Variants in TNFRSF19 observed in about 807,000 individuals in gnomAD.
TNFRSF19 encodes the protein tumor necrosis factor receptor superfamily member 19.
A neutral mutation model predicts 46.4 loss-of-function variants in TNFRSF19; 27 were observed. The observed-to-expected ratio is 0.58, with a 90% CI of 0.43 to 0.80. TNFRSF19 has a LOEUF of 0.80. TNFRSF19 is among the 30% of genes least tolerant of loss of function. TNFRSF19 has a pLI of 0.00. For synonymous variants in TNFRSF19, 204 were observed against 205.0 expected (o/e 1.00, Z 0.04); for missense variants, 511 against 530.8 (o/e 0.96, Z 0.37).
intron 3 of TNFRSF19, among the ~76,000 whole-genome samples, chr13:23,601,516 C>G (rs186430277): frequency 2.0e-5 from 3 of 152,220 alleles, no homozygotes; most frequent in Non-Finnish European, 4.4e-5. Flanking sequence ...TAATATAGGT[C>G]AGAAACATGG....
intron 5 of TNFRSF19, among the ~76,000 whole-genome samples, chr13:23,630,938 G>A (rs1001716577): frequency 3.2e-4 from 48 of 152,184 alleles, no homozygotes; most frequent in African/African-American, 8.7e-4. Context: ...GACAAGCCAC[G>A]TGATTCTGGA....
chr13:23,582,624 C>T (rs541736709), intron 1 of TNFRSF19, among the ~76,000 whole-genome samples: 10 of 152,258 alleles, frequency 6.6e-5, no homozygotes, highest in African/African-American at 2.4e-4. Context: ...TTTTGACATA[C>T]TGTGAAACTG....
At chr13:23,666,420 T>A (rs753410149) in intron 7 of TNFRSF19, among the ~76,000 whole-genome samples, 1 of 152,254 alleles carries the variant, frequency 6.6e-6, no homozygotes, top group Non-Finnish European at 1.5e-5. Context: ...GTTCTCCATT[T>A]ATGTATTTAT....
chr13:23,618,627 A>G (rs1317632588), intron 4 of TNFRSF19, among the ~76,000 whole-genome samples: 1 of 152,244 alleles, frequency 6.6e-6, no homozygotes, highest in Non-Finnish European at 1.5e-5. Flanking sequence ...AGTTAGACAT[A>G]GAGTTACCAC....
intron 9 of TNFRSF19, among the ~76,000 whole-genome samples, chr13:23,670,734 T>A (rs1223471213): frequency 6.6e-6 from 1 of 152,156 alleles, no homozygotes; most frequent in Non-Finnish European, 1.5e-5. Context: ...CACTGACGGA[T>A]CAGAGGATGC....
intron 3 of TNFRSF19, among the ~76,000 whole-genome samples, chr13:23,615,112 A>G (rs574505543): frequency 1.3e-5 from 2 of 152,294 alleles, no homozygotes; most frequent in East Asian, 1.9e-4. Flanking sequence ...TCACATCTAC[A>G]TTCTTCTTTT....
intron 7 of TNFRSF19, among the ~76,000 whole-genome samples, chr13:23,665,583 C>CGT (rs1555225334): frequency 2.6e-5 from 4 of 151,868 alleles, no homozygotes; most frequent in Non-Finnish European, 5.9e-5. Flanking sequence ...CAAATATTAA[C>CGT]GTTACCCATG....
In TNFRSF19 at chr13:23,654,530, C is replaced by G. The variant is rs533690738; in HGVS notation, c.446-4520C>G. Among the ~76,000 whole-genome samples the G allele has an allele frequency of 8.5e-5, 13 of 152,338 alleles. No individual in the cohort carries two copies. In the South Asian group the frequency reaches 2.7e-3, roughly 32 times the overall value. On this transcript the variant is annotated intron_variant, in intron 5 of 9. Coordinates refer to ENST00000248484, the MANE Select transcript of TNFRSF19 (RefSeq NM_148957.4). Reference sequence around the variant, plus strand: ...AACTCCTGCGGAACCAGCTGCCATGCACACTGGGGCAGCTCTGCAGTCTGG... The same window carrying G: ...AACTCCTGCGGAACCAGCTGCCATGGACACTGGGGCAGCTCTGCAGTCTGG...
chr13:23,620,246 G>A (rs887563004), intron 4 of TNFRSF19, among the ~76,000 whole-genome samples: 10 of 152,160 alleles, frequency 6.6e-5, no homozygotes, highest in South Asian at 2.1e-4. Flanking sequence ...GCAGAAAGAC[G>A]TGAGCAAAAT....
chr13:23,671,576 G>T (rs574624867), intron 9 of TNFRSF19, among the ~76,000 whole-genome samples: 15 of 151,584 alleles, frequency 9.9e-5, no homozygotes, highest in African/African-American at 3.6e-4. Flanking sequence ...AGCTACTTCA[G>T]GCCTTTGGGG....
rs188680232 is a variant in TNFRSF19 at position 23,675,330 on chromosome 13, G to A, written c.*1950G>A. ...AGAGATGATGAAAGTAGGCAGGGCT[G>A]TGTTCCTTTGTGTAGCCTGTATATA... On this transcript the variant is annotated 3_prime_UTR_variant, in exon 10 of 10. Transcript: ENST00000248484. 6.6e-6 allele frequency: 1 copy of A among 152,320 alleles called. No homozygotes were observed. The highest frequency in any genetic ancestry group is 2.4e-5 in the African/African-American group (1 of 41,558). The allele number at this position is 152,320 out of a possible 1,614,324, so 9.4% of individuals were successfully genotyped here.
chr13:23,658,427 C>T (rs1884124825), intron 5 of TNFRSF19, among the ~76,000 whole-genome samples: 1 of 152,156 alleles, frequency 6.6e-6, no homozygotes, highest in African/African-American at 2.4e-5. Flanking sequence ...AGATCTATTT[C>T]TTGACTTTCT....
At chr13:23,610,831 T>C (rs1245982627) in intron 3 of TNFRSF19, among the ~76,000 whole-genome samples, 1 of 152,000 alleles carries the variant, frequency 6.6e-6, no homozygotes, top group Non-Finnish European at 1.5e-5. Flanking sequence ...GCATTATTAT[T>C]TTATCTATGC....
At chr13:23,620,494 A>G (rs1244070027) in intron 4 of TNFRSF19, among the ~76,000 whole-genome samples, 2 of 152,176 alleles carry the variant, frequency 1.3e-5, no homozygotes, top group Non-Finnish European at 2.9e-5. Flanking sequence ...TTATTCCCAC[A>G]TCTGCTCTGT....
intron 5 of TNFRSF19, among the ~76,000 whole-genome samples, chr13:23,627,545 G>T (rs1882088118): frequency 6.6e-6 from 1 of 152,316 alleles, no homozygotes; most frequent in South Asian, 2.1e-4. Flanking sequence ...GAAGGGAACC[G>T]GTGAGTGGCC....
chr13:23,623,679 C>T (rs1881819494), intron 4 of TNFRSF19, among the ~76,000 whole-genome samples: 3 of 152,082 alleles, frequency 2.0e-5, no homozygotes, highest in African/African-American at 7.2e-5. Context: ...GGTGATATCT[C>T]ATGTGGTTTT....
intron 1 of TNFRSF19, among the ~76,000 whole-genome samples, chr13:23,581,130 T>C (rs1878387530): frequency 8.1e-6 from 1 of 123,352 alleles, no homozygotes; most frequent in Non-Finnish European, 1.8e-5. Context: ...TTTTTTTCTT[T>C]TCTTTTTTTT....
intron 7 of TNFRSF19, among the ~76,000 whole-genome samples, chr13:23,661,486 A>G (rs560363530): frequency 4.6e-5 from 7 of 152,330 alleles, no homozygotes; most frequent in Admixed American, 4.6e-4. Flanking sequence ...TATTGTGAAT[A>G]GTGCAGCAGT....
chr13:23,660,634 C>T (rs2138393752), intron 7 of TNFRSF19, 144 bp downstream of exon 7: 3 of 952,946 alleles, frequency 3.1e-6, no homozygotes, highest in Admixed American at 3.7e-5. Flanking sequence ...AAATTATTCT[C>T]CACCATCTCC....
Sources: gnomAD v4.1 joint callset for allele counts (sites outside exome capture counted in the v4.1 genomes callset) on GRCh38, gnomAD v4.1.1 for gene constraint, MANE v1.5 for transcripts, NCBI Gene and HGNC (gene_info 2026-07-23, HGNC 2026-07-21) for gene names.